PTPRG: variants seen among roughly 807,000 people sequenced by gnomAD.
PTPRG encodes protein tyrosine phosphatase receptor type G.
Under a neutral mutation model 165.3 loss-of-function variants are expected in PTPRG, and 102 were observed. The observed-to-expected ratio is 0.62, with a 90% CI of 0.53 to 0.73. PTPRG has a LOEUF of 0.73. Ranked by LOEUF, PTPRG falls within the 30% of genes least tolerant of loss-of-function variation. PTPRG has a pLI of 0.00. For synonymous variants in PTPRG, 675 were observed against 669.5 expected (o/e 1.01, Z -0.13); for missense variants, 1,866 against 1,861.4 (o/e 1.00, Z -0.05).
At chr3:62,257,956 CCT>C (rs1701581536) in intron 16 of PTPRG, among the ~76,000 whole-genome samples, 1 of 152,004 alleles carries the variant, frequency 6.6e-6, no homozygotes, top group South Asian at 2.1e-4. Flanking sequence ...AGAGCAAGAC[CCT>C]GTCTCAGGAA....
At position 62,139,089 on chromosome 3, in the gene PTPRG, C is replaced by T. The variant is rs1703827706; in HGVS notation, c.682+6421C>T. Among the ~76,000 whole-genome samples, 3 of 152,184 alleles carry T rather than the reference C, an allele frequency of 2.0e-5. No individual in the cohort carries two copies. The South Asian group carries it at 6.2e-4, about 31-fold the overall frequency. ...CCACCCCTTCCTCACTGTCACTTTC[C>T]TCTCCTGGAGAATGTACCATCTTAG... is the stretch of plus-strand genomic sequence containing the variant. On this transcript the variant is annotated intron_variant, in intron 6 of 29. Coordinates refer to ENST00000474889, the MANE Select transcript of PTPRG (RefSeq NM_002841.4).
intron 1 of PTPRG, among the ~76,000 whole-genome samples, chr3:61,716,900 C>G (rs2031833324): frequency 6.6e-6 from 1 of 151,958 alleles, no homozygotes; most frequent in East Asian, 1.9e-4. Context: ...TGAACCTGGG[C>G]GGCAGAGGTT....
At chr3:62,246,116 T>C (rs951179532) in intron 15 of PTPRG, among the ~76,000 whole-genome samples, 9 of 152,178 alleles carry the variant, frequency 5.9e-5, no homozygotes, top group Non-Finnish European at 1.5e-5. Flanking sequence ...GTAATATAAC[T>C]ATATCAAAAG....
At chr3:61,623,205 A>G (rs912332303) in intron 1 of PTPRG, among the ~76,000 whole-genome samples, 1 of 152,204 alleles carries the variant, frequency 6.6e-6, no homozygotes, top group African/African-American at 2.4e-5. Flanking sequence ...AAGGGGCAGG[A>G]ATCAGGACAG....
At chr3:61,603,297 TA>T (rs925221424) in intron 1 of PTPRG, among the ~76,000 whole-genome samples, 3 of 152,190 alleles carry the variant, frequency 2.0e-5, no homozygotes, top group African/African-American at 7.2e-5. Context: ...GTTTGGATAA[TA>T]GGGGCGGAGC....
At chr3:62,125,216 T>C (rs970686006) in intron 5 of PTPRG, among the ~76,000 whole-genome samples, 7 of 152,218 alleles carry the variant, frequency 4.6e-5, no homozygotes, top group African/African-American at 1.7e-4. Context: ...TTCCTAATAC[T>C]GCAAAATGAT....
At chr3:62,057,375 C>A (rs1016624287) in intron 4 of PTPRG, among the ~76,000 whole-genome samples, 19 of 152,196 alleles carry the variant, frequency 1.2e-4, no homozygotes, top group African/African-American at 2.4e-5. Context: ...TGGAGAAGTA[C>A]CTCTTTTTTT....
At chr3:61,572,702 G>T (rs1032198999) in intron 1 of PTPRG, among the ~76,000 whole-genome samples, 6 of 152,098 alleles carry the variant, frequency 3.9e-5, no homozygotes, top group Non-Finnish European at 7.4e-5. Flanking sequence ...TGAAAGTGGG[G>T]TTACTCTTGA....
Position 62,157,210 on chromosome 3 carries a change from A to G in PTPRG, c.826A>G (p.Ile276Val). 1 of 1,613,510 alleles carries G rather than the reference A, an allele frequency of 6.2e-7. No homozygotes were observed. Residue 276 changes from isoleucine to valine, a missense_variant, in exon 7 of 30, where the codon ATC becomes GTC. By Grantham distance (29) the Ile-to-Val change is conservative. Around this residue, in one of 3 missense-constraint regions of PTPRG, gnomAD observed 408 missense variants for 376.2 expected, o/e 1.08. Coordinates refer to ENST00000474889, the MANE Select transcript of PTPRG (RefSeq NM_002841.4). ...GATAGTCTTCCGGAGACCCGTCCCC[A>G]TCTCTTACCATCAGGTAGATATTCT... Reference protein sequence around the residue: ...EWIVFRRPVPISYHQLEAFYS... With the variant: ...EWIVFRRPVPVSYHQLEAFYS...
chr3:62,004,027 C>T (rs2107724296), intron 4 of PTPRG, among the ~76,000 whole-genome samples: 1 of 152,224 alleles, frequency 6.6e-6, no homozygotes, highest in East Asian at 1.9e-4. Context: ...TCAGTCTTCT[C>T]AGTGATCCAT....
chr3:62,132,143 G>T lies in PTPRG; in HGVS notation c.616-459G>T, dbSNP rs568816316. ...TTAGAATATGTGCTTTTTCACAGGGGACTGGGATCCTTACGAAGGAGAATA... is the reference window on the plus strand; with the variant it reads ...TTAGAATATGTGCTTTTTCACAGGGTACTGGGATCCTTACGAAGGAGAATA... On this transcript the variant is annotated intron_variant, in intron 5 of 29. Transcript: ENST00000474889. 9.2e-5 allele frequency among the ~76,000 whole-genome samples: 14 copies of T among 152,244 alleles called. No individual in the cohort carries two copies. In the South Asian group the frequency reaches 2.1e-3, roughly 23 times the overall value.
At chr3:61,685,862 G>T (rs1703608657) in intron 1 of PTPRG, among the ~76,000 whole-genome samples, 1 of 152,170 alleles carries the variant, frequency 6.6e-6, no homozygotes, top group Admixed American at 6.5e-5. Flanking sequence ...GTAATTGACT[G>T]CTGGCACATT....
At chr3:62,172,429 T>A (rs1391803282) in intron 8 of PTPRG, among the ~76,000 whole-genome samples, 3 of 152,224 alleles carry the variant, frequency 2.0e-5, no homozygotes, top group African/African-American at 7.2e-5. Context: ...GCATCTCTTT[T>A]ATTTTCACCA....
In PTPRG at chr3:62,063,871, G is replaced by C. The variant is rs543155969; in HGVS notation, c.520-14292G>C. ...AGCTTGAGTAGTTGTGCGTTTCATT[G>C]TGGTAAAAGATACATGAAGAGTGAA... On this transcript the variant is annotated intron_variant, in intron 4 of 29. Transcript: ENST00000474889. Among the ~76,000 whole-genome samples, 10 of 152,202 alleles carry C rather than the reference G, an allele frequency of 6.6e-5. No individual in the cohort carries two copies. The South Asian group carries it at 1.2e-3, about 19-fold the overall frequency.
chr3:61,589,527 C>A (rs1700515801), intron 1 of PTPRG, among the ~76,000 whole-genome samples: 1 of 152,172 alleles, frequency 6.6e-6, no homozygotes, highest in Non-Finnish European at 1.5e-5. Flanking sequence ...ACACAACTGG[C>A]CAGTGGCAGG....
At chr3:61,931,221 C>CTG (rs1185468503) in intron 2 of PTPRG, among the ~76,000 whole-genome samples, 9 of 152,204 alleles carry the variant, frequency 5.9e-5, no homozygotes, top group African/African-American at 2.2e-4. Context: ...CATTCTTGTT[C>CTG]TGTGCTACCT....
chr3:62,285,522 G>GT (rs1313602013), intron 28 of PTPRG, among the ~76,000 whole-genome samples: 2 of 100,350 alleles, frequency 2.0e-5, no homozygotes, highest in Non-Finnish European at 3.9e-5. Context: ...GCAGGTGGTT[G>GT]TTGGGGGGGG....
intron 4 of PTPRG, among the ~76,000 whole-genome samples, chr3:62,021,579 G>C (rs2041692566): frequency 6.6e-6 from 1 of 152,112 alleles, no homozygotes; most frequent in African/African-American, 2.4e-5. Flanking sequence ...GATCAGTCAG[G>C]GTTTTAAATC....
At chr3:62,111,389 T>C (rs1269458138) in intron 5 of PTPRG, among the ~76,000 whole-genome samples, 1 of 152,220 alleles carries the variant, frequency 6.6e-6, no homozygotes, top group African/African-American at 2.4e-5. Context: ...TCTTAGAGAC[T>C]GACAGTGTGC....
Sources: gnomAD v4.1 joint callset for allele counts (sites outside exome capture counted in the v4.1 genomes callset) on GRCh38, gnomAD v4.1.1 for gene constraint, gnomAD v4.1.1 regional missense constraint, MANE v1.5 for transcripts, NCBI Gene and HGNC (gene_info 2026-07-23, HGNC 2026-07-21) for gene names.